The following IL17A variants were observed in gnomAD, a reference collection of about 807,000 sequenced individuals.
The protein encoded by IL17A is interleukin-17A.
Under a neutral mutation model 7.2 loss-of-function variants are expected in IL17A, and 1 was observed. The ratio of observed to expected loss-of-function variants is 0.14; its 90% CI spans 0.05 to 0.66. The LOEUF (loss-of-function observed/expected upper bound fraction) is 0.66, where lower values mean the gene tolerates loss of function less well. Ranked by LOEUF, IL17A falls within the 30% of genes least tolerant of loss-of-function variation. IL17A has a pLI of 0.84. For missense variants in IL17A, 191 were observed against 197.1 expected (o/e 0.97, Z 0.18); for synonymous variants, 90 against 77.7 (o/e 1.16, Z -0.83).
At position 52,187,560 on chromosome 6, in the gene IL17A, A is replaced by T. The variant is rs773247048; in HGVS notation, c.28-43A>T. ...AATTTGTCAAAAAGAACCACATAGT[A>T]ATCTAATCTCCAACCTCTCTCTCCT... On this transcript the variant is annotated intron_variant, in intron 1 of 2. Coordinates refer to ENST00000648244, the MANE Select transcript of IL17A (RefSeq NM_002190.3). 4.8e-6 allele frequency: 7 copies of T among 1,454,420 alleles called. No individual in the cohort carries two copies. In the Admixed American group the frequency reaches 1.2e-4, roughly 24 times the overall value. 90.1% of individuals were successfully genotyped at this position (1,454,420 alleles called of 1,614,324 possible).
At position 52,189,303 on chromosome 6, in the gene IL17A, G is replaced by A. The variant is rs750139767; in HGVS notation, c.*11G>A. The A allele has an allele frequency of 6.2e-7, 1 of 1,605,470 alleles. No homozygotes were observed. The highest frequency in any genetic ancestry group is 1.7e-5 in the Admixed American group (1 of 60,016). Reference sequence around the variant, plus strand: ...CACCATGTGGCCTAAGAGCTCTGGGGAGCCCACACTCCCCAAAGCAGTTAG... The same window carrying A: ...CACCATGTGGCCTAAGAGCTCTGGGAAGCCCACACTCCCCAAAGCAGTTAG... On this transcript the variant is annotated 3_prime_UTR_variant, in exon 3 of 3. Coordinates refer to ENST00000648244, the MANE Select transcript of IL17A (RefSeq NM_002190.3).
intron 2 of IL17A, 94 bp from the exon 3 acceptor site, chr6:52,188,961 C>A: frequency 2.3e-6 from 2 of 870,562 alleles, no homozygotes; most frequent in Non-Finnish European, 3.7e-6. Flanking sequence ...AATTTGTCAT[C>A]CTGTGAACTT....
Position 52,186,455 on chromosome 6 carries a change from G to T in IL17A, c.24G>T (p.Leu8Phe). 6.2e-7 allele frequency: 1 copy of T among 1,613,942 alleles called. No individual in the cohort carries two copies. The highest frequency in any genetic ancestry group is 8.5e-7 in the Non-Finnish European group (1 of 1,179,834). MTPGKTSLVSLLLLLSLE... is the reference protein window; with the variant it reads MTPGKTSFVSLLLLLSLE... ...CGATGACTCCTGGGAAGACCTCATT[G>T]GTGGTGAGTCCTGCACTAACGTGCG... is the stretch of plus-strand genomic sequence containing the variant. The change falls in exon 1 of 3, where the codon TTG (leucine) becomes TTT (phenylalanine). Residue 8 changes from leucine (L) to phenylalanine (F), a missense_variant. By Grantham distance (22) the Leu-to-Phe change is conservative (BLOSUM62 0). Transcript: ENST00000648244.
At chr6:52,188,905 AG>A in intron 2 of IL17A, 149 bp from the exon 3 acceptor site, 1 of 605,130 alleles carries the variant, frequency 1.7e-6, no homozygotes, top group South Asian at 2.3e-5. Context: ...TTGTCCCCAA[AG>A]TTCTTCTTCA....
chr6:52,189,685 T>C lies in IL17A; in HGVS notation c.*393T>C, dbSNP rs2128261911. 6.2e-6 allele frequency: 1 copy of C among 162,014 alleles called. No individual in the cohort carries two copies. Among genetic ancestry groups the C allele is most frequent in the East Asian group, 1.8e-4 (1 of 5,554 alleles). 10.0% of individuals were successfully genotyped at this position (162,014 alleles called of 1,614,324 possible). The stretch of plus-strand genomic sequence containing the variant: ...CTTGGGAATTTTATTATTTAAAAGG[T>C]AAAACCTGTATTTATTTGAGCTATT... On this transcript the variant is annotated 3_prime_UTR_variant, in exon 3 of 3. Coordinates refer to ENST00000648244, the MANE Select transcript of IL17A (RefSeq NM_002190.3).
chr6:52,189,047 C>A lies in IL17A; in HGVS notation c.231-8C>A. The A allele has an allele frequency of 6.2e-7, 1 of 1,601,696 alleles. No individual in the cohort carries two copies. The highest frequency in any genetic ancestry group is 8.5e-7 in the Non-Finnish European group (1 of 1,169,702). ...TCACTTTCCTCCTGATTTTTCTCCC[C>A]TCTGCAGCCGCAATGAGGACCCTGA... is the stretch of plus-strand genomic sequence containing the variant. On this transcript the variant is annotated splice_region_variant and splice_polypyrimidine_tract_variant and intron_variant, in intron 2 of 2. Coordinates refer to ENST00000648244, the MANE Select transcript of IL17A (RefSeq NM_002190.3).
chr6:52,189,197 G>C lies in IL17A; in HGVS notation c.373G>C (p.Glu125Gln). 1 of 1,614,126 alleles carries C rather than the reference G, an allele frequency of 6.2e-7. No homozygotes were observed. Among genetic ancestry groups the C allele is most frequent in the South Asian group, 1.1e-5 (1 of 91,088 alleles). ...GCAAGAGATCCTGGTCCTGCGCAGG[G>C]AGCCTCCACACTGCCCCAACTCCTT... ...IQQEILVLRR[E>Q]PPHCPNSFRL... The change falls in exon 3 of 3, where the codon GAG becomes CAG. Residue 125 changes from glutamate to glutamine, a missense_variant. Coordinates refer to ENST00000648244, the MANE Select transcript of IL17A (RefSeq NM_002190.3).
Position 52,187,775 on chromosome 6 carries a change from A to G in IL17A, c.200A>G (p.Tyr67Cys), listed in dbSNP as rs1763310633. Residue 67 changes from tyrosine (Y) to cysteine (C), a missense_variant, in exon 2 of 3, where the codon TAC (tyrosine) becomes TGC (cysteine). Physicochemically the swap from Tyr to Cys is radical, Grantham distance 194 (BLOSUM62 -2). Transcript: ENST00000648244. ...AATCCCAAAAGGTCCTCAGATTACT[A>G]CAACCGATCCACCTCACCTTGGAAT... ...NTNPKRSSDY[Y>C]NRSTSPWNLH... 5 of 1,614,004 alleles carry G rather than the reference A, an allele frequency of 3.1e-6. No individual in the cohort carries two copies. The highest frequency in any genetic ancestry group is 1.7e-5 in the Admixed American group (1 of 60,012).
At chr6:52,187,930 CT>C (rs2128261659) in intron 2 of IL17A, 125 bp downstream of exon 2, 2 of 783,750 alleles carry the variant, frequency 2.6e-6, no homozygotes, top group South Asian at 3.4e-5. Flanking sequence ...GGAAGGACCA[CT>C]GTGAAGAGCA....
intron 1 of IL17A, among the ~76,000 whole-genome samples, chr6:52,187,125 A>G (rs1024316628): frequency 6.6e-6 from 1 of 152,154 alleles, no homozygotes; most frequent in Non-Finnish European, 1.5e-5. Flanking sequence ...GAATATTGAT[A>G]CCACATAGAT....
Position 52,189,350 on chromosome 6 carries a change from C to A in IL17A, c.*58C>A, listed in dbSNP as rs1473715882. 1 of 1,201,268 alleles carries A rather than the reference C, an allele frequency of 8.3e-7. No homozygotes were observed. Among genetic ancestry groups the A allele is most frequent in the Admixed American group, 1.8e-5 (1 of 54,638 alleles). The allele number at this position is 1,201,268 out of a possible 1,614,324, so 74.4% of individuals were successfully genotyped here. A position where few individuals can be genotyped will look rare whatever the true frequency, so the allele number is the denominator to read the frequency against. On this transcript the variant is annotated 3_prime_UTR_variant, in exon 3 of 3. Transcript: ENST00000648244. ...TTAGACTATGGAGAGCCGACCCAGC[C>A]CCTCAGGAACCCTCATCCTTCAAAG...
rs1176515620 is a variant in IL17A at position 52,190,227 on chromosome 6, T to C, written c.*935T>C. 1 of 152,180 alleles carries C rather than the reference T, an allele frequency of 6.6e-6. No homozygotes were observed. Among genetic ancestry groups the C allele is most frequent in the Non-Finnish European group, 1.5e-5 (1 of 68,036 alleles). The allele number at this position is 152,180 out of a possible 1,614,324, so 9.4% of individuals were successfully genotyped here. On this transcript the variant is annotated 3_prime_UTR_variant, in exon 3 of 3. Coordinates refer to ENST00000648244, the MANE Select transcript of IL17A (RefSeq NM_002190.3). Reference sequence around the variant, plus strand: ...CTAAGGTTTTCATACTATTAGCCAATGCTGTAGACAGAAGCATTTTGATAG... The same window carrying C: ...CTAAGGTTTTCATACTATTAGCCAACGCTGTAGACAGAAGCATTTTGATAG...
chr6:52,187,829 A>G (rs1763311856), intron 2 of IL17A, 24 bp downstream of exon 2: 2 of 1,582,528 alleles, frequency 1.3e-6, no homozygotes, highest in Non-Finnish European at 1.7e-6. Flanking sequence ...CCAGATAAAA[A>G]TGCTATATTC....
intron 2 of IL17A, among the ~76,000 whole-genome samples, chr6:52,188,261 G>A (rs184103997): frequency 6.6e-6 from 1 of 152,034 alleles, no homozygotes; most frequent in East Asian, 1.9e-4. Flanking sequence ...AGTATCACTG[G>A]GGTATTTCTA....
At position 52,189,267 on chromosome 6, in the gene IL17A, C is replaced by A. The variant is rs749493493; in HGVS notation, c.443C>A (p.Thr148Asn). Residue 148 changes from threonine (T) to asparagine (N), a missense_variant, in exon 3 of 3, where the codon ACC (threonine) becomes AAC (asparagine). Physicochemically the swap from Thr to Asn is moderately conservative, Grantham distance 65 (BLOSUM62 0). Transcript: ENST00000648244. The part of the protein sequence containing the change: ...ILVSVGCTCV[T>N]PIVHHVA ...GTGTCCGTGGGCTGCACCTGTGTCA[C>A]CCCGATTGTCCACCATGTGGCCTAA... The A allele has an allele frequency of 5.0e-6, 8 of 1,613,926 alleles. No homozygotes were observed. The highest frequency in any genetic ancestry group is 2.2e-5 in the East Asian group (1 of 44,850).
chr6:52,187,010 T>C (rs1763296330), intron 1 of IL17A, among the ~76,000 whole-genome samples: 1 of 152,206 alleles, frequency 6.6e-6, no homozygotes, highest in South Asian at 2.1e-4. Context: ...ACAGAATCAA[T>C]ACATGTTAAA....
At chr6:52,186,693 C>T (rs1194088188) in intron 1 of IL17A, among the ~76,000 whole-genome samples, 1 of 152,170 alleles carries the variant, frequency 6.6e-6, no homozygotes, top group East Asian at 1.9e-4. Context: ...TGGGGCTAAA[C>T]CACACAAGAA....
intron 1 of IL17A, 99 bp downstream of exon 1, chr6:52,186,557 AG>A: frequency 9.3e-7 from 1 of 1,078,262 alleles, no homozygotes; most frequent in Non-Finnish European, 1.4e-6. Context: ...ATGGAGATCC[AG>A]GAATACTGTA....
Position 52,189,391 on chromosome 6 carries a change from A to G in IL17A, c.*99A>G, listed in dbSNP as rs953486792. On this transcript the variant is annotated 3_prime_UTR_variant, in exon 3 of 3. Coordinates refer to ENST00000648244, the MANE Select transcript of IL17A (RefSeq NM_002190.3). ...TCCTTCAAAGACAGCCTCATTTCGG[A>G]CTAAACTCATTAGAGTTCTTAAGGC... 2.0e-5 allele frequency: 17 copies of G among 857,042 alleles called. No individual in the cohort carries two copies. In the African/African-American group the frequency reaches 2.4e-4, roughly 12 times the overall value. 53.1% of individuals were successfully genotyped at this position (857,042 alleles called of 1,614,324 possible). A position where few individuals can be genotyped will look rare whatever the true frequency, so the allele number is the denominator to read the frequency against.
Sources: gnomAD v4.1 joint callset for allele counts (sites outside exome capture counted in the v4.1 genomes callset) on GRCh38, gnomAD v4.1.1 for gene constraint, MANE v1.5 for transcripts, NCBI Gene and HGNC (gene_info 2026-07-23, HGNC 2026-07-21) for gene names.